The following ATXN1 variants were observed in gnomAD, a reference collection of about 807,000 sequenced individuals.
ATXN1 encodes the protein ataxin 1, also known as ataxin-1.
In ATXN1, 8 loss-of-function variants were observed where a neutral mutation model predicts 56.4. The observed-to-expected ratio is 0.14, with a 90% CI of 0.08 to 0.26. The LOEUF (loss-of-function observed/expected upper bound fraction) is 0.26. Among genes scored for constraint, ATXN1 ranks in the 10% least tolerant of loss-of-function variants. The pLI is 1.00. For missense variants in ATXN1, 987 were observed against 1,106.5 expected (o/e 0.89, Z 1.53); for synonymous variants, 514 against 494.6 (o/e 1.04, Z -0.52).
intron 2 of ATXN1, among the ~76,000 whole-genome samples, chr6:16,697,044 GCACCAACAC>G (rs1759179666): frequency 6.6e-6 from 1 of 152,200 alleles, no homozygotes; most frequent in African/African-American, 2.4e-5. Context: ...ACAATGAGTA[GCACCAACAC>G]CACCACGTTA....
chr6:16,404,595 C>A (rs1253014107), intron 6 of ATXN1, among the ~76,000 whole-genome samples: 3 of 152,234 alleles, frequency 2.0e-5, no homozygotes, highest in Admixed American at 1.3e-4. Flanking sequence ...TTACCAGAGT[C>A]TGCCTGGTAA....
chr6:16,605,096 C>T (rs1410839763), intron 3 of ATXN1, among the ~76,000 whole-genome samples: 3 of 152,126 alleles, frequency 2.0e-5, no homozygotes, highest in Non-Finnish European at 2.9e-5. Context: ...AAAAGTAATA[C>T]AAATTATAGT....
At chr6:16,680,701 G>A (rs2113399397) in intron 2 of ATXN1, among the ~76,000 whole-genome samples, 1 of 152,260 alleles carries the variant, frequency 6.6e-6, no homozygotes, top group East Asian at 1.9e-4. Context: ...TATATACAAG[G>A]CAGCCTATTG....
In ATXN1 at chr6:16,525,044, C is replaced by CA. The variant is rs541464425; in HGVS notation, c.-360-2357dup. ...TCCAGCCTGGGCAACAAGAGCAAAA[C>CA]AAAAACAACAACAACAACAACAAAA... On this transcript the variant is annotated intron_variant, in intron 4 of 7. Coordinates refer to ENST00000436367, the MANE Select transcript of ATXN1 (RefSeq NM_001128164.2). Among the ~76,000 whole-genome samples the CA allele has an allele frequency of 3.4e-4, 51 of 152,134 alleles. No homozygotes were observed. The South Asian group carries it at 0.01, about 30-fold the overall frequency.
intron 6 of ATXN1, among the ~76,000 whole-genome samples, chr6:16,409,382 G>A (rs537477622): frequency 1.1e-4 from 16 of 152,218 alleles, no homozygotes; most frequent in Admixed American, 3.3e-4. Flanking sequence ...GCCAGGCACC[G>A]TGGCTCATGC....
At position 16,328,248 on chromosome 6, in the gene ATXN1, G is replaced by C. The variant is rs768044504; in HGVS notation, c.63C>G (p.Ala21=). ...CLPPKKREIP[A]TSRSSEEKAP... ...CCTTCTCCTCGGAGGACCGGCTGGT[G>C]GCGGGGATCTCGCGCTTCTTGGGAG... Residue 21 remains alanine (A), a synonymous_variant, in exon 7 of 8, where the codon GCC becomes GCG. Coordinates refer to ENST00000436367, the MANE Select transcript of ATXN1 (RefSeq NM_001128164.2). This position sits in a 1 kb window ranked among gnomAD's most constrained non-coding sequence, Gnocchi z 6.2. 3.9e-5 allele frequency: 60 copies of C among 1,550,036 alleles called. No homozygotes were observed. In the East Asian group the frequency reaches 1.4e-3, roughly 35 times the overall value.
chr6:16,694,836 T>C (rs190053297), intron 2 of ATXN1, among the ~76,000 whole-genome samples: 121 of 152,338 alleles, frequency 7.9e-4, no homozygotes, highest in Non-Finnish European at 1.1e-3. Context: ...ACAGTCCTGA[T>C]TGCCAGAATG....
At chr6:16,419,374 T>C (rs1393964407) in intron 6 of ATXN1, among the ~76,000 whole-genome samples, 2 of 152,254 alleles carry the variant, frequency 1.3e-5, no homozygotes, top group South Asian at 4.1e-4. Context: ...CCTATTCTTA[T>C]GATAGTTCTA....
intron 4 of ATXN1, among the ~76,000 whole-genome samples, chr6:16,544,623 T>A: frequency 6.6e-6 from 1 of 152,142 alleles, no homozygotes; most frequent in East Asian, 1.9e-4. Flanking sequence ...TGGCGTGTTA[T>A]GGCACTGGGA....
chr6:16,706,479 C>T (rs940039338), intron 2 of ATXN1, among the ~76,000 whole-genome samples: 2 of 152,160 alleles, frequency 1.3e-5, no homozygotes, highest in African/African-American at 4.8e-5. Flanking sequence ...AATCCCAGCA[C>T]TTTGGGAGGC....
At chr6:16,488,945 C>T (rs117472758) in intron 5 of ATXN1, among the ~76,000 whole-genome samples, 1 of 152,202 alleles carries the variant, frequency 6.6e-6, no homozygotes, top group East Asian at 1.9e-4. Context: ...ATCTTGCCAT[C>T]GGACCTGGGA....
At chr6:16,480,155 A>AAG (rs1491161468) in intron 6 of ATXN1, among the ~76,000 whole-genome samples, 1 of 2,448 alleles carries the variant, frequency 4.1e-4, no homozygotes. Flanking sequence ...CTTCATCTGC[A>AAG]AAAAAAAAAA....
At chr6:16,621,209 C>G (rs1407722361) in intron 3 of ATXN1, among the ~76,000 whole-genome samples, 1 of 152,174 alleles carries the variant, frequency 6.6e-6, no homozygotes, top group Admixed American at 6.5e-5. Flanking sequence ...TAACGCAGCT[C>G]AGTGGGTTAT....
rs142941394 is a variant in ATXN1, at chr6:16,515,810, C to A, written c.-299+6817G>T. On this transcript the variant is annotated intron_variant, in intron 5 of 7. Transcript: ENST00000436367. ...ATGAAAGATGAAAGCATGAGAGAAG[C>A]GGATGCAGGAGGGGGATGGTATAGG... Among the ~76,000 whole-genome samples the A allele has an allele frequency of 1.9e-3, 288 of 152,264 alleles. 1 individual carries two copies. The Middle Eastern group carries it at 0.02, about 11-fold the overall frequency.
intron 2 of ATXN1, among the ~76,000 whole-genome samples, chr6:16,658,878 A>AT (rs1758260057): frequency 6.6e-6 from 1 of 152,184 alleles, no homozygotes; most frequent in South Asian, 2.1e-4. Flanking sequence ...AACTCCATAA[A>AT]TCTCCAAAGG....
chr6:16,521,083 T>C (rs1446336984), intron 5 of ATXN1, among the ~76,000 whole-genome samples: 4 of 152,148 alleles, frequency 2.6e-5, no homozygotes, highest in Non-Finnish European at 5.9e-5. Context: ...TTCACCAACC[T>C]AAATGAACAC....
rs2113540806 is a variant in ATXN1 at position 16,404,174 on chromosome 6, A to T, written c.-160-75704T>A. Among the ~76,000 whole-genome samples the T allele has an allele frequency of 2.0e-5, 3 of 152,302 alleles. No homozygotes were observed. The East Asian group carries it at 5.8e-4, about 29-fold the overall frequency. On this transcript the variant is annotated intron_variant, in intron 6 of 7. Coordinates refer to ENST00000436367, the MANE Select transcript of ATXN1 (RefSeq NM_001128164.2). ...GGGAGCAAATAAAACTATCTTAAAC[A>T]TATGACTCTTTACCCAAAAAAGGAG... is the stretch of plus-strand genomic sequence containing the variant.
chr6:16,598,945 G>T (rs1198063836), intron 3 of ATXN1, among the ~76,000 whole-genome samples: 1 of 152,188 alleles, frequency 6.6e-6, no homozygotes, highest in Non-Finnish European at 1.5e-5. Flanking sequence ...TGTGCATCTG[G>T]ACAGCTTTAC....
At chr6:16,338,364 G>C (rs1761171507) in intron 6 of ATXN1, among the ~76,000 whole-genome samples, 1 of 152,102 alleles carries the variant, frequency 6.6e-6, no homozygotes, top group Admixed American at 6.6e-5. Flanking sequence ...GTGGTGGCAG[G>C]CGCCTGTAGT....
Sources: allele counts gnomAD v4.1 joint callset (sites outside exome capture counted in the v4.1 genomes callset), GRCh38; gene constraint gnomAD v4.1.1; non-coding constraint Gnocchi (gnomAD v3.1); transcripts MANE v1.5; gene names NCBI Gene and HGNC (gene_info 2026-07-23, HGNC 2026-07-21).